The following CTNNA2 variants were observed in gnomAD, a reference collection of about 807,000 sequenced individuals.
CTNNA2 encodes catenin alpha-2.
CTNNA2 carries 42 observed loss-of-function variants against 101.0 expected under a neutral mutation model. The ratio of observed to expected loss-of-function variants is 0.42; its 90% CI spans 0.32 to 0.54. The LOEUF (loss-of-function observed/expected upper bound fraction) is 0.54. CTNNA2 is among the 20% of genes least tolerant of loss of function. The pLI, the probability that CTNNA2 is intolerant of heterozygous loss-of-function variation, is 0.14. For synonymous variants in CTNNA2, 450 were observed against 456.4 expected (o/e 0.99, Z 0.18); for missense variants, 871 against 1,223.1 (o/e 0.71, Z 4.29).
At chr2:79,826,422 C>T (rs1313107291) in intron 3 of CTNNA2, among the ~76,000 whole-genome samples, 1 of 152,184 alleles carries the variant, frequency 6.6e-6, no homozygotes, top group Non-Finnish European at 1.5e-5. Context: ...ACTTAGCTCT[C>T]CCTATAGTTC....
chr2:80,610,515 T>C (rs908308127), intron 17 of CTNNA2, among the ~76,000 whole-genome samples: 2 of 151,654 alleles, frequency 1.3e-5, no homozygotes, highest in Non-Finnish European at 3.0e-5. Flanking sequence ...TCTTCTTTCT[T>C]TTTTCCCTGT....
intron 7 of CTNNA2, among the ~76,000 whole-genome samples, chr2:80,010,661 G>T (rs1693713934): frequency 6.6e-6 from 1 of 152,022 alleles, no homozygotes; most frequent in Non-Finnish European, 1.5e-5. Flanking sequence ...TGTCATAGTT[G>T]CTCTGGATGG....
intron 1 of CTNNA2, among the ~76,000 whole-genome samples, chr2:79,519,741 C>T (rs1316366728): frequency 3.3e-5 from 5 of 152,148 alleles, no homozygotes; most frequent in Non-Finnish European, 7.3e-5. Flanking sequence ...AATTTAGCTT[C>T]ACAGTCTCTG....
intron 15 of CTNNA2, among the ~76,000 whole-genome samples, 176 bp downstream of exon 15, chr2:80,589,661 A>C (rs531686160): frequency 6.6e-6 from 1 of 152,286 alleles, no homozygotes; most frequent in African/African-American, 2.4e-5. Flanking sequence ...GCAGATAGGT[A>C]TATCTTTTTG....
intron 4 of CTNNA2, among the ~76,000 whole-genome samples, chr2:79,476,439 A>G (rs1045163068): frequency 1.3e-5 from 2 of 152,116 alleles, no homozygotes; most frequent in Non-Finnish European, 2.9e-5. Context: ...ATTAACCTAT[A>G]TTTGTATTAA....
intron 7 of CTNNA2, among the ~76,000 whole-genome samples, chr2:80,261,891 A>G (rs775658352): frequency 2.0e-5 from 3 of 152,204 alleles, no homozygotes; most frequent in Non-Finnish European, 4.4e-5. Flanking sequence ...ACCCTAAGAC[A>G]TGTTATTACA....
rs530816271 is a variant in CTNNA2 at position 80,189,207 on chromosome 2, G to A, written c.1057-204004G>A. Among the ~76,000 whole-genome samples, 3 of 152,238 alleles carry A rather than the reference G, an allele frequency of 2.0e-5. No individual in the cohort carries two copies. In the East Asian group the frequency reaches 5.8e-4, roughly 29 times the overall value. ...GGCCTCAGGTGATCCACCTGCCTTG[G>A]CCTTCCAAAGTGCTGGGATTACAGG... On this transcript the variant is annotated intron_variant, in intron 7 of 18. Transcript: ENST00000402739.
intron 7 of CTNNA2, among the ~76,000 whole-genome samples, chr2:80,080,839 T>C (rs891441002): frequency 1.3e-5 from 2 of 150,460 alleles, no homozygotes; most frequent in African/African-American, 4.9e-5. Context: ...GTCTCTAGTA[T>C]ATATCAAGCT....
At chr2:80,300,278 TGGGGTGTGTGTGTGTGTG>T (rs1676133810) in intron 7 of CTNNA2, among the ~76,000 whole-genome samples, 1 of 71,028 alleles carries the variant, frequency 1.4e-5, no homozygotes, top group Non-Finnish European at 2.8e-5. Context: ...GCTGGGGTGT[TGGGGTGTGTGTGTGTGTG>T]TGTGTGTGTG....
At chr2:79,227,977 C>T (rs1436758682) in intron 2 of CTNNA2, among the ~76,000 whole-genome samples, 1 of 152,122 alleles carries the variant, frequency 6.6e-6, no homozygotes, top group African/African-American at 2.4e-5. Flanking sequence ...TGTTTAACTC[C>T]CACTTATATG....
At position 80,010,680 on chromosome 2, in the gene CTNNA2, G is replaced by C. The variant is rs542871246; in HGVS notation, c.1056+100883G>C. 5.4e-4 allele frequency among the ~76,000 whole-genome samples: 82 copies of C among 151,232 alleles called. 1 individual carries two copies. The highest frequency in any genetic ancestry group is 2.0e-3 in the African/African-American group (81 of 41,358). ...ATAGTTGCTCTGGATGGTCTAGTTA[G>C]GTTGGTGCAAAAGTAATTGTGGTTT... On this transcript the variant is annotated intron_variant, in intron 7 of 18. Transcript: ENST00000402739.
At chr2:80,190,836 G>T (rs930295002) in intron 7 of CTNNA2, among the ~76,000 whole-genome samples, 2 of 151,984 alleles carry the variant, frequency 1.3e-5, no homozygotes, top group African/African-American at 4.8e-5. Flanking sequence ...TAAATTATAG[G>T]GATTCCTTTT....
intron 7 of CTNNA2, among the ~76,000 whole-genome samples, chr2:79,957,048 C>G (rs929730892): frequency 6.6e-6 from 1 of 151,826 alleles, no homozygotes; most frequent in Non-Finnish European, 1.5e-5. Context: ...CCCAGATCCT[C>G]TTCTGTAACT....
chr2:79,420,851 A>T (rs1317940864), intron 4 of CTNNA2, among the ~76,000 whole-genome samples: 1 of 152,180 alleles, frequency 6.6e-6, no homozygotes, highest in East Asian at 1.9e-4. Context: ...CTGGAACCCA[A>T]GGAATGTGAT....
At chr2:79,365,328 G>A (rs996972033) in intron 3 of CTNNA2, among the ~76,000 whole-genome samples, 9 of 152,018 alleles carry the variant, frequency 5.9e-5, no homozygotes, top group African/African-American at 2.2e-4. Flanking sequence ...AATTCAGAAA[G>A]TGACAAGATA....
At chr2:80,489,384 A>G (rs1466107538) in intron 9 of CTNNA2, among the ~76,000 whole-genome samples, 1 of 152,202 alleles carries the variant, frequency 6.6e-6, no homozygotes, top group African/African-American at 2.4e-5. Flanking sequence ...ATTAAATTCT[A>G]AGATCTGGTA....
intron 3 of CTNNA2, among the ~76,000 whole-genome samples, chr2:79,779,187 G>GA (rs1365488504): frequency 2.0e-5 from 3 of 151,708 alleles, no homozygotes; most frequent in African/African-American, 4.8e-5. Context: ...TTTTAATGGG[G>GA]AAAAAATAGT....
intron 2 of CTNNA2, among the ~76,000 whole-genome samples, chr2:79,270,461 T>C (rs1014687681): frequency 3.3e-5 from 5 of 152,138 alleles, no homozygotes; most frequent in African/African-American, 1.2e-4. Flanking sequence ...CCTGCTTTGC[T>C]AATTCTTGGT....
chr2:80,604,253 T>C, intron 16 of CTNNA2, 74 bp downstream of exon 16: 1 of 1,104,032 alleles, frequency 9.1e-7, no homozygotes, highest in South Asian at 1.3e-5. Context: ...TAACTAGTTT[T>C]ATGCACCCTA....
Sources: gnomAD v4.1 joint callset for allele counts (sites outside exome capture counted in the v4.1 genomes callset) on GRCh38, gnomAD v4.1.1 for gene constraint, MANE v1.5 for transcripts, NCBI Gene and HGNC (gene_info 2026-07-23, HGNC 2026-07-21) for gene names.